RNF220: variants seen among roughly 807,000 people sequenced by gnomAD.
RNF220 encodes E3 ubiquitin-protein ligase RNF220.
A neutral mutation model predicts 67.1 loss-of-function variants in RNF220; 7 were observed. The observed-to-expected ratio is 0.10, with a 90% CI of 0.06 to 0.20. RNF220 has a LOEUF of 0.20. RNF220 is among the 10% of genes least tolerant of loss of function. The pLI is 1.00. For synonymous variants in RNF220, 270 were observed against 283.2 expected, an observed-to-expected ratio of 0.95 and a Z score of 0.47; for missense variants, 565 against 740.3, an observed-to-expected ratio of 0.76 and a Z score of 2.75.
chr1:44,545,827 G>T (rs1048676371), intron 2 of RNF220, among the ~76,000 whole-genome samples: 3 of 151,654 alleles, frequency 2.0e-5, no homozygotes, highest in African/African-American at 4.9e-5. Context: ...CGCAAACTCG[G>T]CTCACTGCAA....
At chr1:44,545,710 T>C (rs985956129) in intron 2 of RNF220, among the ~76,000 whole-genome samples, 2 of 151,550 alleles carry the variant, frequency 1.3e-5, no homozygotes, top group African/African-American at 4.9e-5. Flanking sequence ...GTGAGACCTC[T>C]GAGCCTCCCT....
At chr1:44,492,513 C>T (rs1346916429) in intron 2 of RNF220, among the ~76,000 whole-genome samples, 3 of 152,126 alleles carry the variant, frequency 2.0e-5, no homozygotes, top group African/African-American at 4.8e-5. Flanking sequence ...GGAAGCAACC[C>T]AAATAGCCAT....
intron 2 of RNF220, among the ~76,000 whole-genome samples, chr1:44,491,862 C>T (rs1024835146): frequency 6.6e-6 from 1 of 152,084 alleles, no homozygotes; most frequent in Non-Finnish European, 1.5e-5. Flanking sequence ...TGAGGTCTTG[C>T]CATGTTGGCC....
Position 44,562,963 on chromosome 1 carries a change from TGGG to T in RNF220, c.626-51199_626-51197del, listed in dbSNP as rs35327497. 3.0e-3 allele frequency among the ~76,000 whole-genome samples: 459 copies of T among 152,304 alleles called. 2 individuals carry two copies. Among genetic ancestry groups the T allele is most frequent in the African/African-American group, 0.01 (429 of 41,568 alleles). On this transcript the variant is annotated intron_variant, in intron 2 of 14. Coordinates refer to ENST00000361799, the MANE Select transcript of RNF220 (RefSeq NM_018150.4). ...CAAGAATTATACTTGCTCTCTGTCT[TGGG>T]GGAGCTGTGGACCTGAATGGGGCTG...
At chr1:44,452,997 A>T (rs1379294161) in intron 2 of RNF220, among the ~76,000 whole-genome samples, 1 of 152,156 alleles carries the variant, frequency 6.6e-6, no homozygotes, top group Non-Finnish European at 1.5e-5. Context: ...GTCTTCTTTT[A>T]ATGTCTTTCA....
At chr1:44,618,866 G>A (rs565937393) in intron 3 of RNF220, among the ~76,000 whole-genome samples, 79 of 152,310 alleles carry the variant, frequency 5.2e-4, no homozygotes, top group African/African-American at 1.9e-3. Flanking sequence ...ACCAGGTGGA[G>A]GAAGAAGCCA....
chr1:44,559,993 G>A (rs1558044015), intron 2 of RNF220, among the ~76,000 whole-genome samples: 1 of 152,208 alleles, frequency 6.6e-6, no homozygotes, highest in Non-Finnish European at 1.5e-5. Context: ...GAGGAGCCAC[G>A]GCTCCTTCAG....
At chr1:44,519,299 C>T (rs557207542) in intron 2 of RNF220, among the ~76,000 whole-genome samples, 37 of 152,274 alleles carry the variant, frequency 2.4e-4, no homozygotes, top group South Asian at 8.3e-4. Context: ...TCAAGCACTA[C>T]GCTAGGCACT....
intron 2 of RNF220, among the ~76,000 whole-genome samples, chr1:44,422,423 A>C (rs1488245033): frequency 6.6e-6 from 1 of 152,208 alleles, no homozygotes; most frequent in Admixed American, 6.5e-5. Flanking sequence ...ATTCAGACTG[A>C]GCAGCAGTCA....
intron 2 of RNF220, among the ~76,000 whole-genome samples, chr1:44,474,963 G>T (rs1049010462): frequency 1.3e-5 from 2 of 152,034 alleles, no homozygotes; most frequent in Non-Finnish European, 2.9e-5. Flanking sequence ...ACTGTATTTT[G>T]TAAACGCAGT....
chr1:44,535,302 A>C (rs1382755885), intron 2 of RNF220, among the ~76,000 whole-genome samples: 1 of 151,912 alleles, frequency 6.6e-6, no homozygotes, highest in Non-Finnish European at 1.5e-5. Context: ...CACCATGCCC[A>C]GCTGATTTTT....
chr1:44,409,922 C>A (rs988907329), intron 1 of RNF220, among the ~76,000 whole-genome samples: 2 of 152,122 alleles, frequency 1.3e-5, no homozygotes, highest in Non-Finnish European at 2.9e-5. Flanking sequence ...CTCCCCCCTC[C>A]CCCATGGAGA....
chr1:44,491,157 A>G (rs182631657), intron 2 of RNF220, among the ~76,000 whole-genome samples: 12 of 152,324 alleles, frequency 7.9e-5, no homozygotes, highest in African/African-American at 2.9e-4. Flanking sequence ...CAAACATTTT[A>G]GAGAACAATT....
rs1426078653 is a variant in RNF220, at chr1:44,642,875, T to G, written c.1127-1823T>G. On this transcript the variant is annotated intron_variant, in intron 8 of 14. Coordinates refer to ENST00000361799, the MANE Select transcript of RNF220 (RefSeq NM_018150.4). ...CTTGGGGAAGGGGGGTTGGCAGGAC[T>G]TGGGTGCCGCAAGCTGTAAGTGAAC... 2.0e-5 allele frequency among the ~76,000 whole-genome samples: 3 copies of G among 152,172 alleles called. No individual in the cohort carries two copies. In the East Asian group the frequency reaches 5.8e-4, roughly 29 times the overall value.
chr1:44,476,151 T>C (rs946334855), intron 2 of RNF220, among the ~76,000 whole-genome samples: 1 of 151,442 alleles, frequency 6.6e-6, no homozygotes, highest in African/African-American at 2.4e-5. Flanking sequence ...ATAAAGAAAA[T>C]AGGGACCTGA....
intron 2 of RNF220, among the ~76,000 whole-genome samples, chr1:44,554,406 T>C (rs12405833): frequency 0.18 from 27,570 of 151,832 alleles, 3,263 homozygotes; most frequent in Middle Eastern, 0.28. Flanking sequence ...GCTGTCTTAC[T>C]CCCCTAGCCT....
chr1:44,408,693 A>T (rs1410619374), intron 1 of RNF220: 1 of 152,160 alleles, frequency 6.6e-6, no homozygotes. Context: ...AGAGACCACA[A>T]AACTGTCACC....
intron 1 of RNF220, among the ~76,000 whole-genome samples, chr1:44,407,127 C>T (rs1204829697): frequency 6.6e-6 from 1 of 152,148 alleles, no homozygotes; most frequent in Non-Finnish European, 1.5e-5. Flanking sequence ...CACAGCCCTA[C>T]CTGGCCGGCC....
chr1:44,514,415 A>T (rs1659288392), intron 2 of RNF220, among the ~76,000 whole-genome samples: 1 of 152,226 alleles, frequency 6.6e-6, no homozygotes, highest in African/African-American at 2.4e-5. Context: ...ATGTAGCCTG[A>T]GAGGAAGACT....
Sources: allele counts gnomAD v4.1 joint callset (sites outside exome capture counted in the v4.1 genomes callset), GRCh38; gene constraint gnomAD v4.1.1; transcripts MANE v1.5; gene names NCBI Gene and HGNC (gene_info 2026-07-23, HGNC 2026-07-21).